The following ORC5 variants were observed in gnomAD, a reference collection of about 807,000 sequenced individuals.
The protein encoded by ORC5 is protein phosphatase 1, regulatory subunit 117.
Under a neutral mutation model 58.8 loss-of-function variants are expected in ORC5, and 39 were observed. That is an observed-to-expected ratio of 0.66 (90% CI 0.51 to 0.87). ORC5 has a LOEUF of 0.87. Ranked by LOEUF, ORC5 falls within the 40% of genes least tolerant of loss-of-function variation. The pLI, the probability that ORC5 is intolerant of heterozygous loss-of-function variation, is 0.00. For synonymous variants in ORC5, 218 were observed against 177.6 expected (o/e 1.23, Z -1.81); for missense variants, 493 against 506.3 (o/e 0.97, Z 0.25).
At chr7:104,127,120 A>G (rs1313483567) in intron 13 of ORC5, among the ~76,000 whole-genome samples, 1 of 152,172 alleles carries the variant, frequency 6.6e-6, no homozygotes, top group Non-Finnish European at 1.5e-5. Context: ...CCTTTCTAAA[A>G]AAAAGTAAAC....
chr7:104,173,175 A>G (rs1279851705), intron 8 of ORC5, among the ~76,000 whole-genome samples: 3 of 152,288 alleles, frequency 2.0e-5, no homozygotes, highest in Admixed American at 2.0e-4. Context: ...TTATACAAAA[A>G]TCCTGTGAGG....
intron 8 of ORC5, among the ~76,000 whole-genome samples, chr7:104,172,238 G>T (rs375141740): frequency 6.6e-6 from 1 of 152,168 alleles, no homozygotes; most frequent in African/African-American, 2.4e-5. Context: ...TTGAATTTAG[G>T]TGGCCATAAT....
At chr7:104,148,398 A>G (rs2115799150) in intron 12 of ORC5, among the ~76,000 whole-genome samples, 1 of 152,334 alleles carries the variant, frequency 6.6e-6, no homozygotes, top group South Asian at 2.1e-4. Flanking sequence ...CTTGCATTCT[A>G]CAGTGAAGGC....
chr7:104,187,965 T>G, intron 6 of ORC5: 1 of 1,031,052 alleles, frequency 9.7e-7, no homozygotes, highest in South Asian at 4.5e-5. Flanking sequence ...AGTTCTGCAT[T>G]TTCTGCAATT....
chr7:104,185,581 A>G (rs1027639198), intron 6 of ORC5, among the ~76,000 whole-genome samples: 4 of 152,176 alleles, frequency 2.6e-5, no homozygotes, highest in Non-Finnish European at 5.9e-5. Flanking sequence ...AGTTCTTGGC[A>G]CCATCTCAGG....
At position 104,197,816 on chromosome 7, in the gene ORC5, A is replaced by G; in HGVS notation, c.367-17T>C. The stretch of plus-strand genomic sequence containing the variant: ...ATCTAGAACCTTTAAAAAACAAAAA[A>G]ACAAAACAAAAAGAAATGCATTTAC... On this transcript the variant is annotated splice_polypyrimidine_tract_variant and intron_variant, in intron 3 of 13. Coordinates refer to ENST00000297431, the MANE Select transcript of ORC5 (RefSeq NM_002553.4). The G allele has an allele frequency of 1.4e-6, 2 of 1,475,164 alleles. No individual in the cohort carries two copies. Among genetic ancestry groups the G allele is most frequent in the Non-Finnish European group, 1.8e-6 (2 of 1,085,608 alleles). 91.4% of individuals were successfully genotyped at this position (1,475,164 alleles called of 1,614,324 possible).
chr7:104,129,237 A>G lies in ORC5; in HGVS notation c.1263-2344T>C, dbSNP rs553065568. Among the ~76,000 whole-genome samples the G allele has an allele frequency of 2.0e-5, 3 of 152,298 alleles. No homozygotes were observed. Among genetic ancestry groups the G allele is most frequent in the Admixed American group, 2.0e-4 (3 of 15,300 alleles). ...CTATAGCATTAGAATAGTTTGTACA[A>G]TAAATAAATAACAGAACAGACTTAA... On this transcript the variant is annotated intron_variant, in intron 13 of 13. Coordinates refer to ENST00000297431, the MANE Select transcript of ORC5 (RefSeq NM_002553.4). This position sits in a 1 kb window ranked among gnomAD's most constrained non-coding sequence, Gnocchi z 4.9.
At chr7:104,162,557 A>G (rs1397118098) in intron 11 of ORC5, among the ~76,000 whole-genome samples, 3 of 152,242 alleles carry the variant, frequency 2.0e-5, no homozygotes, top group Non-Finnish European at 4.4e-5. Context: ...GAATGAATGT[A>G]AAGAAGAATA....
intron 8 of ORC5, among the ~76,000 whole-genome samples, chr7:104,173,937 C>T (rs997162070): frequency 2.0e-5 from 3 of 149,390 alleles, no homozygotes; most frequent in South Asian, 2.1e-4. Flanking sequence ...CTCCGCCTCC[C>T]GGGTTCACGC....
intron 12 of ORC5, among the ~76,000 whole-genome samples, chr7:104,147,258 AT>A (rs1298091428): frequency 6.6e-6 from 1 of 152,160 alleles, no homozygotes; most frequent in Non-Finnish European, 1.5e-5. Context: ...CTGTGAGTCC[AT>A]AAAGGTCCTT....
At chr7:104,145,443 C>T (rs1798739706) in intron 12 of ORC5, among the ~76,000 whole-genome samples, 1 of 152,082 alleles carries the variant, frequency 6.6e-6, no homozygotes, top group Non-Finnish European at 1.5e-5. Context: ...AAAAAAAGCT[C>T]TCTAAATAAT....
rs777883928 is a variant in ORC5, at chr7:104,136,828, T to C, written c.1215A>G (p.Pro405=). 2.4e-5 allele frequency: 38 copies of C among 1,613,944 alleles called. No homozygotes were observed. Among genetic ancestry groups the C allele is most frequent in the Non-Finnish European group, 3.1e-5 (37 of 1,179,908 alleles). Residue 405 remains proline (P), a synonymous_variant, in exon 13 of 14, where the codon CCA becomes CCG. Coordinates refer to ENST00000297431, the MANE Select transcript of ORC5 (RefSeq NM_002553.4). This position sits in a 1 kb window ranked among gnomAD's most constrained non-coding sequence, Gnocchi z 4.2. ...LVGHDDQLDG[P]KYKCTVSLDF... ...CTAGAGACACTGTGCATTTGTATTT[T>C]GGTCCATCAAGCTGATCGTCATGGC...
intron 3 of ORC5, among the ~76,000 whole-genome samples, chr7:104,198,619 T>G (rs1799857255): frequency 6.6e-6 from 1 of 152,196 alleles, no homozygotes; most frequent in African/African-American, 2.4e-5. Context: ...AAACTGGAAC[T>G]TACATTTAAA....
intron 12 of ORC5, among the ~76,000 whole-genome samples, chr7:104,157,996 A>T (rs1798955262): frequency 1.3e-5 from 2 of 152,130 alleles, no homozygotes; most frequent in Non-Finnish European, 2.9e-5. Context: ...ATAAGATATC[A>T]GGTGATTTTA....
chr7:104,178,185 C>G (rs915942684), intron 8 of ORC5, among the ~76,000 whole-genome samples: 1 of 152,206 alleles, frequency 6.6e-6, no homozygotes, highest in African/African-American at 2.4e-5. Flanking sequence ...ACACTCCCAC[C>G]AACAGTGTAA....
intron 8 of ORC5, among the ~76,000 whole-genome samples, chr7:104,174,066 G>C (rs954411636): frequency 6.6e-6 from 1 of 151,602 alleles, no homozygotes; most frequent in African/African-American, 2.4e-5. Context: ...GGATGGTCTC[G>C]ATCTCCTGAC....
chr7:104,192,442 T>A (rs887213687), intron 5 of ORC5, among the ~76,000 whole-genome samples: 2 of 152,128 alleles, frequency 1.3e-5, no homozygotes, highest in African/African-American at 4.8e-5. Context: ...GGGCATTCAG[T>A]AGAGATTCCA....
chr7:104,208,012 C>T lies in ORC5; in HGVS notation c.-108G>A. On this transcript the variant is annotated 5_prime_UTR_variant, in exon 1 of 14. Transcript: ENST00000297431. Reference sequence around the variant, plus strand: ...CCCACGCTCCCGCCGGAAACCGGACCCGCAGCGTCGTGGGAGGAGCCTGCG... The same window carrying T: ...CCCACGCTCCCGCCGGAAACCGGACTCGCAGCGTCGTGGGAGGAGCCTGCG... 1 of 1,076,602 alleles carries T rather than the reference C, an allele frequency of 9.3e-7. No homozygotes were observed. The highest frequency in any genetic ancestry group is 1.4e-6 in the Non-Finnish European group (1 of 716,642). 66.7% of individuals were successfully genotyped at this position (1,076,602 alleles called of 1,614,324 possible).
In ORC5 at chr7:104,207,076, T is replaced by C. The variant is rs373635199; in HGVS notation, c.72+757A>G. Among the ~76,000 whole-genome samples the C allele has an allele frequency of 2.2e-4, 34 of 152,286 alleles. 1 individual carries two copies. Among genetic ancestry groups the C allele is most frequent in the African/African-American group, 8.2e-4 (34 of 41,548 alleles). On this transcript the variant is annotated intron_variant, in intron 1 of 13. Coordinates refer to ENST00000297431, the MANE Select transcript of ORC5 (RefSeq NM_002553.4). ...GCAAACCAGAAGATGGGGGTATGAG[T>C]ATGACCCTGAATTCTCATTCACTCT...
Sources: allele counts gnomAD v4.1 joint callset (sites outside exome capture counted in the v4.1 genomes callset), GRCh38; gene constraint gnomAD v4.1.1; non-coding constraint Gnocchi (gnomAD v3.1); transcripts MANE v1.5; gene names NCBI Gene and HGNC (gene_info 2026-07-23, HGNC 2026-07-21).